RNGTT: variants seen among roughly 807,000 people sequenced by gnomAD.
RNGTT encodes the protein RNA guanylyltransferase and 5'-phosphatase.
A neutral mutation model predicts 79.3 loss-of-function variants in RNGTT; 33 were observed. The ratio of observed to expected loss-of-function variants is 0.42; its 90% confidence interval spans 0.32 to 0.56. The LOEUF (loss-of-function observed/expected upper bound fraction) is 0.56, where lower values mean the gene tolerates loss of function less well. RNGTT is among the 20% of genes least tolerant of loss of function. The pLI is 0.17. For synonymous variants in RNGTT, 222 were observed against 235.9 expected (o/e 0.94, Z 0.54); for missense variants, 497 against 739.1 (o/e 0.67, Z 3.80).
intron 11 of RNGTT, among the ~76,000 whole-genome samples, chr6:88,841,754 G>C (rs1781300508): frequency 6.6e-6 from 1 of 152,156 alleles, no homozygotes; most frequent in Non-Finnish European, 1.5e-5. Context: ...GCCTCCCAAA[G>C]TTTCTGAATC....
intron 14 of RNGTT, among the ~76,000 whole-genome samples, chr6:88,662,261 C>T (rs1028016927): frequency 6.6e-6 from 1 of 152,188 alleles, no homozygotes; most frequent in Non-Finnish European, 1.5e-5. Context: ...TGCCAAGAAC[C>T]GTGCCTGGTA....
intron 11 of RNGTT, 80 bp downstream of exon 11, chr6:88,844,277 C>A: frequency 7.3e-7 from 1 of 1,376,684 alleles, no homozygotes; most frequent in South Asian, 1.3e-5. Flanking sequence ...AACTGGGCAG[C>A]AAAATGTCAT....
chr6:88,653,470 ATATT>A (rs1211714799), intron 14 of RNGTT, among the ~76,000 whole-genome samples: 1 of 152,186 alleles, frequency 6.6e-6, no homozygotes, highest in African/African-American at 2.4e-5. Flanking sequence ...TTTGAGGGCT[ATATT>A]TAAAGTGTTC....
intron 13 of RNGTT, among the ~76,000 whole-genome samples, chr6:88,723,643 A>G (rs905727583): frequency 8.5e-5 from 13 of 152,338 alleles, no homozygotes; most frequent in African/African-American, 3.1e-4. Context: ...TAAAAATTAA[A>G]AATTTTGAAA....
intron 11 of RNGTT, among the ~76,000 whole-genome samples, chr6:88,837,121 T>C (rs1439999866): frequency 6.6e-6 from 1 of 152,194 alleles, no homozygotes; most frequent in Non-Finnish European, 1.5e-5. Context: ...TGGCCGGGCA[T>C]GGTGGCTTAC....
At chr6:88,757,970 A>C (rs1397926819) in intron 13 of RNGTT, among the ~76,000 whole-genome samples, 1 of 152,198 alleles carries the variant, frequency 6.6e-6, no homozygotes, top group African/African-American at 2.4e-5. Context: ...GCATTATCTT[A>C]AGTTTCAGTA....
At chr6:88,675,002 G>A (rs144778550) in intron 14 of RNGTT, among the ~76,000 whole-genome samples, 75 of 152,006 alleles carry the variant, frequency 4.9e-4, no homozygotes, top group African/African-American at 1.8e-3. Flanking sequence ...GGAGGCTGAG[G>A]CAGGAGAATC....
chr6:88,957,991 T>C lies in RNGTT; in HGVS notation c.64+5355A>G, dbSNP rs146539034. 4.5e-3 allele frequency among the ~76,000 whole-genome samples: 690 copies of C among 152,170 alleles called. 5 individuals carry two copies. The highest frequency in any genetic ancestry group is 0.015 in the African/African-American group (632 of 41,524). On this transcript the variant is annotated intron_variant, in intron 1 of 15. Coordinates refer to ENST00000369485, the MANE Select transcript of RNGTT (RefSeq NM_003800.5). ...AACTTCAAATTATACTACAAGACTA[T>C]AGTAACCAAAACAGCATAGTACTGG...
chr6:88,904,181 T>C (rs1783567804), intron 6 of RNGTT, among the ~76,000 whole-genome samples: 1 of 152,214 alleles, frequency 6.6e-6, no homozygotes, highest in South Asian at 2.1e-4. Flanking sequence ...AAAGTTCTTT[T>C]AGATATTATC....
intron 14 of RNGTT, among the ~76,000 whole-genome samples, chr6:88,620,312 C>G (rs904595771): frequency 6.6e-6 from 1 of 152,298 alleles, no homozygotes; most frequent in East Asian, 1.9e-4. Context: ...ATAGACAAGT[C>G]ACAACTAAAG....
chr6:88,666,796 G>A (rs756355164), intron 14 of RNGTT, among the ~76,000 whole-genome samples: 4 of 152,146 alleles, frequency 2.6e-5, no homozygotes, highest in African/African-American at 7.2e-5. Context: ...AAGCCAAATC[G>A]CTGCCTCAGG....
intron 1 of RNGTT, among the ~76,000 whole-genome samples, chr6:88,943,103 A>G (rs1411576194): frequency 6.6e-6 from 1 of 152,182 alleles, no homozygotes; most frequent in East Asian, 1.9e-4. Flanking sequence ...TGGCTTTAAA[A>G]GCCATCAATG....
At chr6:88,645,071 T>A (rs1442565872) in intron 14 of RNGTT, among the ~76,000 whole-genome samples, 1 of 152,196 alleles carries the variant, frequency 6.6e-6, no homozygotes, top group Non-Finnish European at 1.5e-5. Flanking sequence ...TTGTCCCTGT[T>A]TGCAGATGAC....
intron 13 of RNGTT, among the ~76,000 whole-genome samples, chr6:88,759,668 C>A (rs1778142765): frequency 6.6e-6 from 1 of 152,150 alleles, no homozygotes; most frequent in East Asian, 1.9e-4. Flanking sequence ...ACTGAGAACC[C>A]TGACTCCCAA....
intron 13 of RNGTT, among the ~76,000 whole-genome samples, chr6:88,765,748 T>C (rs889087742): frequency 2.0e-4 from 31 of 152,212 alleles, no homozygotes; most frequent in African/African-American, 7.2e-4. Context: ...AACCACTATA[T>C]GCTATATATA....
chr6:88,960,147 G>A (rs1402199086), intron 1 of RNGTT, among the ~76,000 whole-genome samples: 1 of 152,110 alleles, frequency 6.6e-6, no homozygotes, highest in Non-Finnish European at 1.5e-5. Flanking sequence ...CAACAGAACT[G>A]TGCTTAAAAT....
At chr6:88,911,460 G>A (rs1193152071) in intron 4 of RNGTT, among the ~76,000 whole-genome samples, 1 of 152,120 alleles carries the variant, frequency 6.6e-6, no homozygotes, top group East Asian at 1.9e-4. Flanking sequence ...ACCCAATATT[G>A]TAGCACGCAG....
intron 13 of RNGTT, among the ~76,000 whole-genome samples, chr6:88,704,423 ATCT>A (rs1049081749): frequency 1.3e-5 from 2 of 152,132 alleles, no homozygotes; most frequent in Non-Finnish European, 2.9e-5. Context: ...ACTATTAATA[ATCT>A]TCTCTTTTTC....
At chr6:88,923,122 CATA>C (rs1354145631) in intron 4 of RNGTT, among the ~76,000 whole-genome samples, 1 of 152,222 alleles carries the variant, frequency 6.6e-6, no homozygotes, top group African/African-American at 2.4e-5. Context: ...TCAGCAAGCA[CATA>C]ATGTTTGGCT....
Sources: allele counts gnomAD v4.1 joint callset (sites outside exome capture counted in the v4.1 genomes callset), GRCh38; gene constraint gnomAD v4.1.1; transcripts MANE v1.5; gene names NCBI Gene and HGNC (gene_info 2026-07-23, HGNC 2026-07-21).